Variants in UBE2Q2 observed in about 807,000 individuals in gnomAD.
The protein encoded by UBE2Q2 is ubiquitin conjugating enzyme E2 Q2, also known as ubiquitin-conjugating enzyme E2 Q2.
A neutral mutation model predicts 59.9 loss-of-function variants in UBE2Q2; 54 were observed. The ratio of observed to expected loss-of-function variants is 0.90; its 90% CI spans 0.72 to 1.13. The LOEUF (loss-of-function observed/expected upper bound fraction) is 1.13. UBE2Q2 is among the 50% of genes most tolerant of loss of function. UBE2Q2 has a pLI of 0.00. For missense variants in UBE2Q2, 433 were observed against 441.9 expected, an observed-to-expected ratio of 0.98 and a Z score of 0.18; for synonymous variants, 165 against 155.2, an observed-to-expected ratio of 1.06 and a Z score of -0.47.
At chr15:75,894,374 C>A (rs1048110623) in intron 11 of UBE2Q2, among the ~76,000 whole-genome samples, 2 of 152,062 alleles carry the variant, frequency 1.3e-5, no homozygotes, top group African/African-American at 2.4e-5. Context: ...TCGAGACCAC[C>A]TTGGGCAACA....
chr15:75,879,789 G>A (rs1365361304), intron 8 of UBE2Q2, among the ~76,000 whole-genome samples: 1 of 151,976 alleles, frequency 6.6e-6, no homozygotes, highest in Non-Finnish European at 1.5e-5. Flanking sequence ...GCTTCTTAGG[G>A]GGGCAAAAAT....
chr15:75,884,220 G>A (rs545388056), intron 9 of UBE2Q2, among the ~76,000 whole-genome samples: 10 of 152,158 alleles, frequency 6.6e-5, no homozygotes, highest in East Asian at 1.9e-4. Context: ...TCCAACACTC[G>A]GGTGACTAAT....
At chr15:75,870,271 T>C (rs1897715536) in intron 4 of UBE2Q2, among the ~76,000 whole-genome samples, 1 of 152,174 alleles carries the variant, frequency 6.6e-6, no homozygotes, top group East Asian at 1.9e-4. Flanking sequence ...CTTGCTGTTT[T>C]GTCCAGGTTC....
In UBE2Q2 at chr15:75,899,905, A is replaced by G. The variant is rs1464863031; in HGVS notation, c.*447A>G. 6.5e-6 allele frequency: 1 copy of G among 152,878 alleles called. No homozygotes were observed. The highest frequency in any genetic ancestry group is 6.5e-5 in the Admixed American group (1 of 15,286). The allele number at this position is 152,878 out of a possible 1,614,324, so 9.5% of individuals were successfully genotyped here. ...GTTTAGGAAATTTAAGGCCTTCTAAATCATAATAGCTCTTTCATGTCTAAA... is the reference window on the plus strand; with the variant it reads ...GTTTAGGAAATTTAAGGCCTTCTAAGTCATAATAGCTCTTTCATGTCTAAA... On this transcript the variant is annotated 3_prime_UTR_variant, in exon 13 of 13. Transcript: ENST00000267938.
intron 5 of UBE2Q2, 90 bp downstream of exon 5, chr15:75,873,658 C>A (rs549047645): frequency 1.5e-5 from 21 of 1,390,098 alleles, no homozygotes; most frequent in Admixed American, 2.1e-5. Flanking sequence ...CCCATCTCAG[C>A]TGCCCTCTTC....
intron 3 of UBE2Q2, among the ~76,000 whole-genome samples, chr15:75,860,593 A>G (rs956869030): frequency 1.6e-4 from 24 of 152,262 alleles, no homozygotes; most frequent in African/African-American, 5.3e-4. Context: ...CAAGTTTTCT[A>G]GAATATTTAA....
intron 11 of UBE2Q2, among the ~76,000 whole-genome samples, chr15:75,892,721 A>G (rs754660141): frequency 2.0e-5 from 3 of 152,046 alleles, no homozygotes; most frequent in Non-Finnish European, 4.4e-5. Flanking sequence ...CCACCCTAAA[A>G]AAACAATTAG....
chr15:75,894,265 C>T (rs1401765247), intron 11 of UBE2Q2, among the ~76,000 whole-genome samples: 2 of 151,968 alleles, frequency 1.3e-5, no homozygotes, highest in African/African-American at 2.4e-5. Context: ...TTAGAAAGGA[C>T]AATAAAAAAA....
chr15:75,873,217 AC>A (rs1417499115), intron 4 of UBE2Q2, among the ~76,000 whole-genome samples: 3 of 152,202 alleles, frequency 2.0e-5, no homozygotes, highest in Non-Finnish European at 4.4e-5. Context: ...AATCTGCTTT[AC>A]CCAGAGTCTA....
intron 1 of UBE2Q2, 183 bp downstream of exon 1, chr15:75,844,029 G>T: frequency 7.1e-7 from 1 of 1,409,230 alleles, no homozygotes; most frequent in Non-Finnish European, 9.2e-7. Context: ...GCTTGGGTGG[G>T]AGGAGGCGGA....
At chr15:75,847,167 C>T (rs975092222) in intron 1 of UBE2Q2, among the ~76,000 whole-genome samples, 10 of 152,098 alleles carry the variant, frequency 6.6e-5, no homozygotes, top group Admixed American at 3.9e-4. Context: ...TGCTTTTTAT[C>T]TTCCACTCAA....
At chr15:75,846,466 C>T (rs905273612) in intron 1 of UBE2Q2, among the ~76,000 whole-genome samples, 16 of 152,180 alleles carry the variant, frequency 1.1e-4, no homozygotes, top group African/African-American at 3.9e-4. Context: ...TTGAACTCCA[C>T]CTCAAGCTCC....
At chr15:75,892,002 A>T (rs962843354) in intron 11 of UBE2Q2, among the ~76,000 whole-genome samples, 1 of 152,150 alleles carries the variant, frequency 6.6e-6, no homozygotes, top group African/African-American at 2.4e-5. Context: ...ACCTCCACTT[A>T]TTCTCCCACA....
At chr15:75,863,848 G>A (rs1035977830) in intron 3 of UBE2Q2, among the ~76,000 whole-genome samples, 2 of 151,950 alleles carry the variant, frequency 1.3e-5, no homozygotes, top group African/African-American at 4.8e-5. Flanking sequence ...CACCATGTTG[G>A]CCAGGCTGGT....
At chr15:75,845,761 A>G (rs1204810146) in intron 1 of UBE2Q2, among the ~76,000 whole-genome samples, 3 of 152,202 alleles carry the variant, frequency 2.0e-5, no homozygotes, top group African/African-American at 7.2e-5. Context: ...ACAGCAAAGA[A>G]TTATCCCACC....
chr15:75,876,731 A>G (rs1466516964), intron 6 of UBE2Q2, among the ~76,000 whole-genome samples: 1 of 152,110 alleles, frequency 6.6e-6, no homozygotes, highest in South Asian at 2.1e-4. Context: ...TAAAGTTTTC[A>G]TTTCCTTGTT....
chr15:75,844,287 CG>C (rs2141515869), intron 1 of UBE2Q2: 1 of 1,542,180 alleles, frequency 6.5e-7, no homozygotes, highest in South Asian at 1.2e-5. Context: ...ATTTTTCAGT[CG>C]GATTTTCCTT....
chr15:75,870,093 A>G (rs1211902662), intron 4 of UBE2Q2, among the ~76,000 whole-genome samples: 1 of 152,074 alleles, frequency 6.6e-6, no homozygotes, highest in Non-Finnish European at 1.5e-5. Flanking sequence ...TTTTTGAGAC[A>G]GGGTCTCACT....
chr15:75,847,394 A>G (rs1896408507), intron 1 of UBE2Q2, among the ~76,000 whole-genome samples: 1 of 152,228 alleles, frequency 6.6e-6, no homozygotes, highest in Non-Finnish European at 1.5e-5. Flanking sequence ...GAAAAAGACC[A>G]AAACAGAGTA....
Sources: gnomAD v4.1 joint callset for allele counts (sites outside exome capture counted in the v4.1 genomes callset) on GRCh38, gnomAD v4.1.1 for gene constraint, MANE v1.5 for transcripts, NCBI Gene and HGNC (gene_info 2026-07-23, HGNC 2026-07-21) for gene names.